Variants in FRMD4B observed in about 807,000 individuals in gnomAD.
FRMD4B encodes FERM domain containing 4B, also known as FERM domain-containing protein 4B.
FRMD4B carries 74 observed loss-of-function variants against 141.5 expected under a neutral mutation model. The observed-to-expected ratio is 0.52, with a 90% CI of 0.43 to 0.63. The LOEUF is 0.63. Among genes scored for constraint, FRMD4B ranks in the 30% least tolerant of loss-of-function variants. FRMD4B has a pLI of 0.00. For missense variants in FRMD4B, 1,366 were observed against 1,253.4 expected, an observed-to-expected ratio of 1.09 and a Z score of -1.36; for synonymous variants, 506 against 467.9, an observed-to-expected ratio of 1.08 and a Z score of -1.05.
Position 69,488,087 on chromosome 3 carries a change from GA to G in FRMD4B, c.-129+54118del, listed in dbSNP as rs1296503530. On this transcript the variant is annotated intron_variant, in intron 1 of 5. Coordinates refer to the FRMD4B transcript ENST00000459638. ...AAGAAAGAAAGAAAAGAAAGAAAGAGAAAAAAAGAAAAAAGGAAGAAAAAAG... is the reference window on the plus strand; with the variant it reads ...AAGAAAGAAAGAAAAGAAAGAAAGAGAAAAAAGAAAAAAGGAAGAAAAAAG... 4.6e-5 allele frequency among the ~76,000 whole-genome samples: 7 copies of G among 150,548 alleles called. No individual in the cohort carries two copies. The East Asian group carries it at 1.4e-3, about 29-fold the overall frequency.
intron 5 of FRMD4B, among the ~76,000 whole-genome samples, chr3:69,263,387 T>C (rs1005207779): frequency 4.7e-5 from 7 of 147,686 alleles, no homozygotes; most frequent in African/African-American, 1.2e-4. Flanking sequence ...AGTTTGCTAG[T>C]TACATGCACT....
At chr3:69,249,955 G>T in intron 6 of FRMD4B, 88 bp downstream of exon 6, 1 of 839,480 alleles carries the variant, frequency 1.2e-6, no homozygotes, top group Non-Finnish European at 2.1e-6. Context: ...ACAAACACTG[G>T]CCCATGCAAA....
At chr3:69,295,775 G>A (rs184068802) in intron 4 of FRMD4B, among the ~76,000 whole-genome samples, 33 of 152,022 alleles carry the variant, frequency 2.2e-4, no homozygotes, top group Admixed American at 1.8e-3. Context: ...TCTAATTTCC[G>A]TGTTCTCTAG....
At chr3:69,276,418 G>C (rs1350672288) in intron 5 of FRMD4B, among the ~76,000 whole-genome samples, 3 of 152,004 alleles carry the variant, frequency 2.0e-5, no homozygotes, top group Non-Finnish European at 4.4e-5. Flanking sequence ...GACTACAGGC[G>C]TGCACCATCA....
chr3:69,319,735 G>C (rs774453754), intron 1 of FRMD4B, among the ~76,000 whole-genome samples: 5 of 152,216 alleles, frequency 3.3e-5, no homozygotes, highest in Admixed American at 6.5e-5. Flanking sequence ...TGATGTTAGA[G>C]AGATGATAAA....
chr3:69,424,279 A>T (rs1705036254), intron 2 of FRMD4B, among the ~76,000 whole-genome samples: 1 of 152,288 alleles, frequency 6.6e-6, no homozygotes, highest in East Asian at 1.9e-4. Flanking sequence ...AACTACCTCA[A>T]ATAATGAGAA....
intron 1 of FRMD4B, among the ~76,000 whole-genome samples, chr3:69,541,550 A>G (rs926558216): frequency 6.6e-6 from 1 of 152,180 alleles, no homozygotes; most frequent in African/African-American, 2.4e-5. Flanking sequence ...AGGACATCCA[A>G]TGCAAGGGAA....
At chr3:69,343,028 G>A (rs776732907) in intron 1 of FRMD4B, among the ~76,000 whole-genome samples, 3 of 151,916 alleles carry the variant, frequency 2.0e-5, no homozygotes, top group Non-Finnish European at 2.9e-5. Context: ...TCCATAGCTC[G>A]CTGCAGCCTC....
At chr3:69,260,786 G>T (rs1465043761) in intron 5 of FRMD4B, among the ~76,000 whole-genome samples, 1 of 152,238 alleles carries the variant, frequency 6.6e-6, no homozygotes, top group Non-Finnish European at 1.5e-5. Context: ...TCAGCACTCT[G>T]TGTCTAGGTA....
intron 11 of FRMD4B, among the ~76,000 whole-genome samples, chr3:69,201,067 G>C (rs2092961381): frequency 6.6e-6 from 1 of 152,244 alleles, no homozygotes. Context: ...CTTCAGCTTA[G>C]AGAATTTGAA....
intron 2 of FRMD4B, among the ~76,000 whole-genome samples, chr3:69,428,253 G>C (rs1421661147): frequency 6.6e-6 from 1 of 151,556 alleles, no homozygotes; most frequent in Non-Finnish European, 1.5e-5. Context: ...CATCTCACTA[G>C]CTGTGTGACC....
At chr3:69,464,696 C>T (rs1020357085) in intron 1 of FRMD4B, among the ~76,000 whole-genome samples, 1 of 152,158 alleles carries the variant, frequency 6.6e-6, no homozygotes, top group Non-Finnish European at 1.5e-5. Context: ...CCAATATCCC[C>T]GAGTGATCAC....
chr3:69,406,717 A>G (rs1231416644), intron 2 of FRMD4B, among the ~76,000 whole-genome samples: 4 of 151,740 alleles, frequency 2.6e-5, no homozygotes, highest in Admixed American at 6.6e-5. Context: ...ACCAAATGTC[A>G]TTAATGTTAG....
chr3:69,415,452 C>T (rs1379041823), intron 2 of FRMD4B, among the ~76,000 whole-genome samples: 1 of 152,110 alleles, frequency 6.6e-6, no homozygotes, highest in Non-Finnish European at 1.5e-5. Context: ...GCCCCTTGTC[C>T]TACGCCCCCT....
At chr3:69,320,449 C>T (rs1013314132) in intron 1 of FRMD4B, among the ~76,000 whole-genome samples, 3 of 151,912 alleles carry the variant, frequency 2.0e-5, no homozygotes, top group Non-Finnish European at 4.4e-5. Context: ...AGAAATTAGC[C>T]GGGCATTGTG....
upstream of FRMD4B, among the ~76,000 whole-genome samples, chr3:69,388,375 G>A (rs1192227648): frequency 1.3e-5 from 2 of 152,190 alleles, no homozygotes; most frequent in African/African-American, 4.8e-5. Context: ...CACTGGGCCA[G>A]CAGCTTTAGC....
intron 7 of FRMD4B, among the ~76,000 whole-genome samples, chr3:69,231,761 A>G (rs1429636375): frequency 6.6e-6 from 1 of 152,254 alleles, no homozygotes; most frequent in Non-Finnish European, 1.5e-5. Flanking sequence ...ACGGTAACGT[A>G]AGAGGTTAGA....
intron 19 of FRMD4B, among the ~76,000 whole-genome samples, chr3:69,182,930 T>C (rs1397661765): frequency 1.3e-5 from 2 of 151,892 alleles, no homozygotes; most frequent in Non-Finnish European, 2.9e-5. Context: ...GTCACAAATA[T>C]GTAGGGAAAA....
chr3:69,531,903 G>A (rs944991495), intron 1 of FRMD4B, among the ~76,000 whole-genome samples: 3 of 152,276 alleles, frequency 2.0e-5, no homozygotes, highest in Non-Finnish European at 2.9e-5. Flanking sequence ...TAAACTGGAT[G>A]CCCCATTCTT....
Sources: allele counts gnomAD v4.1 joint callset (sites outside exome capture counted in the v4.1 genomes callset), GRCh38; gene constraint gnomAD v4.1.1; transcripts MANE v1.5; gene names NCBI Gene and HGNC (gene_info 2026-07-23, HGNC 2026-07-21).